Variants in KLHL1 observed in about 807,000 individuals in gnomAD.
The protein encoded by KLHL1 is kelch like family member 1.
Under a neutral mutation model 77.7 loss-of-function variants are expected in KLHL1, and 47 were observed. The ratio of observed to expected loss-of-function variants is 0.60; its 90% CI spans 0.48 to 0.77. KLHL1 has a LOEUF of 0.77. KLHL1 is among the 30% of genes least tolerant of loss of function. KLHL1 has a pLI of 0.00. For synonymous variants in KLHL1, 360 were observed against 325.2 expected (o/e 1.11, Z -1.15); for missense variants, 925 against 910.8 (o/e 1.02, Z -0.20).
intron 6 of KLHL1, among the ~76,000 whole-genome samples, chr13:69,818,549 G>A (rs1417250536): frequency 6.6e-6 from 1 of 152,050 alleles, no homozygotes; most frequent in East Asian, 1.9e-4. Flanking sequence ...AAAGATGGAT[G>A]CAAATGCAGA....
intron 6 of KLHL1, among the ~76,000 whole-genome samples, chr13:69,838,134 GA>G (rs11335045): frequency 0.081 from 12,241 of 150,954 alleles, 929 homozygotes; most frequent in African/African-American, 0.2. Flanking sequence ...CTACAATTTT[GA>G]AATCTCAGTT....
intron 4 of KLHL1, among the ~76,000 whole-genome samples, chr13:69,911,243 C>A (rs1403335087): frequency 2.0e-5 from 3 of 151,998 alleles, no homozygotes; most frequent in African/African-American, 7.2e-5. Flanking sequence ...TTAAACTGTA[C>A]TATTTGAATA....
rs146567325 is a variant in KLHL1, at chr13:69,934,945, C to CAT, written c.1014+5094_1014+5095insAT. Among the ~76,000 whole-genome samples, 72 of 130,572 alleles carry CAT rather than the reference C, an allele frequency of 5.5e-4. No homozygotes were observed. The East Asian group carries it at 0.019, about 34-fold the overall frequency. The allele number at this position is 130,572 out of a possible 152,430, so 85.7% of individuals were successfully genotyped here. ...CATAATTTTTCTTTGTAAAATTTAC[C>CAT]GTGTGTGTGTGCATGTGTATATATA... is the stretch of plus-strand genomic sequence containing the variant. On this transcript the variant is annotated intron_variant, in intron 4 of 10. Transcript: ENST00000377844.
chr13:69,878,415 C>T (rs745479813), intron 5 of KLHL1, among the ~76,000 whole-genome samples: 12 of 152,008 alleles, frequency 7.9e-5, no homozygotes, highest in Non-Finnish European at 1.8e-4. Context: ...CCATTTACAT[C>T]TGCAGGAATT....
chr13:69,845,389 A>G (rs1311807493), intron 5 of KLHL1, among the ~76,000 whole-genome samples: 4 of 151,716 alleles, frequency 2.6e-5, no homozygotes, highest in Non-Finnish European at 4.4e-5. Context: ...AAAATCAAAT[A>G]GAATGAAAAC....
chr13:69,781,285 C>CTTTTTTTT (rs869083780), intron 7 of KLHL1, among the ~76,000 whole-genome samples: 7 of 119,698 alleles, frequency 5.8e-5, no homozygotes, highest in Admixed American at 1.8e-4. Context: ...TTTTTTCTTT[C>CTTTTTTTT]TTTTTTTTTT....
chr13:70,082,961 T>G (rs1566561018), intron 1 of KLHL1, among the ~76,000 whole-genome samples: 1 of 152,044 alleles, frequency 6.6e-6, no homozygotes, highest in Non-Finnish European at 1.5e-5. Context: ...CAATAGACAC[T>G]AGAAACTAAC....
chr13:69,707,652 A>G lies in KLHL1; in HGVS notation c.2160T>C (p.Tyr720=), dbSNP rs1875685105. Residue 720 remains tyrosine (Y), a synonymous_variant, in exon 10 of 11, where the codon TAT becomes TAC. Coordinates refer to ENST00000377844, the MANE Select transcript of KLHL1 (RefSeq NM_020866.3). ...GTGTCCACTCATTAGTTTGTGGGTC[A>G]TAGGATTCCATAGTGTTGAGGTATG... ...GQTYLNTMES[Y]DPQTNEWTQM... is the part of the protein sequence containing the mutation. 6.2e-7 allele frequency: 1 copy of G among 1,612,318 alleles called. No individual in the cohort carries two copies. The highest frequency in any genetic ancestry group is 8.5e-7 in the Non-Finnish European group (1 of 1,178,904).
chr13:69,961,028 C>T (rs1198462983), intron 3 of KLHL1, among the ~76,000 whole-genome samples: 1 of 151,794 alleles, frequency 6.6e-6, no homozygotes, highest in Non-Finnish European at 1.5e-5. Context: ...AATTATTATT[C>T]AATAATTTGT....
intron 7 of KLHL1, among the ~76,000 whole-genome samples, chr13:69,752,088 G>C (rs1247218298): frequency 1.3e-5 from 2 of 152,020 alleles, no homozygotes; most frequent in African/African-American, 2.4e-5. Context: ...TTGTTACAAG[G>C]ATTTAATGAA....
chr13:69,982,857 T>A (rs1884751223), intron 1 of KLHL1, among the ~76,000 whole-genome samples: 1 of 152,016 alleles, frequency 6.6e-6, no homozygotes, highest in Admixed American at 6.6e-5. Context: ...ATATGGGAAA[T>A]CCTAGCCAGA....
intron 1 of KLHL1, among the ~76,000 whole-genome samples, chr13:70,009,745 T>C (rs529167633): frequency 8.5e-5 from 13 of 152,302 alleles, no homozygotes; most frequent in African/African-American, 3.1e-4. Flanking sequence ...ATTAATCCAT[T>C]CATTTGTCAA....
At chr13:69,941,635 CAAAT>C (rs781342409) in intron 3 of KLHL1, among the ~76,000 whole-genome samples, 3 of 151,846 alleles carry the variant, frequency 2.0e-5, no homozygotes, top group East Asian at 1.9e-4. Context: ...AAAATTAAAA[CAAAT>C]AAACAAAAGC....
chr13:69,855,905 ATAT>A (rs1294887440), intron 5 of KLHL1, among the ~76,000 whole-genome samples: 11 of 136,136 alleles, frequency 8.1e-5, no homozygotes, highest in South Asian at 2.3e-4. Context: ...TGTTTTATAT[ATAT>A]TATATGTTAT....
intron 1 of KLHL1, among the ~76,000 whole-genome samples, chr13:70,020,575 G>A (rs1373566152): frequency 6.6e-6 from 1 of 151,898 alleles, no homozygotes; most frequent in Non-Finnish European, 1.5e-5. Context: ...TGGCCAACTG[G>A]GCTGTCTTCC....
At chr13:69,992,579 T>A (rs1031776874) in intron 1 of KLHL1, among the ~76,000 whole-genome samples, 1 of 151,974 alleles carries the variant, frequency 6.6e-6, no homozygotes, top group African/African-American at 2.4e-5. Flanking sequence ...GCCAAAAAAT[T>A]CATATGAGAC....
intron 5 of KLHL1, among the ~76,000 whole-genome samples, chr13:69,877,958 A>G (rs1431803186): frequency 1.3e-5 from 2 of 152,170 alleles, no homozygotes; most frequent in African/African-American, 2.4e-5. Flanking sequence ...TAATGGGCCT[A>G]CTAATAAAAC....
chr13:70,017,427 C>T (rs559961321), intron 1 of KLHL1, among the ~76,000 whole-genome samples: 8 of 152,170 alleles, frequency 5.3e-5, no homozygotes, highest in Non-Finnish European at 8.8e-5. Context: ...GCTGCAACCT[C>T]AAAAAGAGCC....
In KLHL1 at chr13:69,701,352, G is replaced by A. The variant is rs1875382704; in HGVS notation, c.*350C>T. On this transcript the variant is annotated 3_prime_UTR_variant, in exon 11 of 11. Coordinates refer to ENST00000377844, the MANE Select transcript of KLHL1 (RefSeq NM_020866.3). ...AGACTATAAAATGATTGAATGAGTTGTGGTCATGAAACTATCCATGTCACA... is the reference window on the plus strand; with the variant it reads ...AGACTATAAAATGATTGAATGAGTTATGGTCATGAAACTATCCATGTCACA... 5.3e-6 allele frequency: 1 copy of A among 189,880 alleles called. No homozygotes were observed. The allele number at this position is 189,880 out of a possible 1,614,324, so 11.8% of individuals were successfully genotyped here.
Sources: allele counts gnomAD v4.1 joint callset (sites outside exome capture counted in the v4.1 genomes callset), GRCh38; gene constraint gnomAD v4.1.1; transcripts MANE v1.5; gene names NCBI Gene and HGNC (gene_info 2026-07-23, HGNC 2026-07-21).